ZC3H12B: variants seen among roughly 807,000 people sequenced by gnomAD.
ZC3H12B encodes probable ribonuclease ZC3H12B.
ZC3H12B carries 7 observed loss-of-function variants against 43.9 expected under a neutral mutation model. The ratio of observed to expected loss-of-function variants is 0.16; its 90% CI spans 0.09 to 0.30. The LOEUF (loss-of-function observed/expected upper bound fraction) is 0.30. Ranked by LOEUF, ZC3H12B falls within the 10% of genes least tolerant of loss-of-function variation. The pLI is 1.00. For missense variants in ZC3H12B, 475 were observed against 670.2 expected (o/e 0.71, Z 3.22); for synonymous variants, 222 against 241.7 (o/e 0.92, Z 0.76).
At chrX:65,205,266 G>C in the ZC3H12B span, among the ~76,000 whole-genome samples, 1 of 110,970 alleles carries the variant, frequency 9.0e-6, no homozygotes, top group African/African-American at 3.3e-5. Context: ...ACTTGTCATT[G>C]TCATTAAACC....
At chrX:65,244,482 C>G in the ZC3H12B span, among the ~76,000 whole-genome samples, 1 of 109,449 alleles carries the variant, frequency 9.1e-6, no homozygotes, top group African/African-American at 3.3e-5. Flanking sequence ...TGGTGGCTCA[C>G]AACTGTAATC....
chrX:65,371,214 C>T (rs945126561), intron 2 of ZC3H12B, among the ~76,000 whole-genome samples: 1 of 111,987 alleles, frequency 8.9e-6, no homozygotes, highest in Non-Finnish European at 1.9e-5. Context: ...ACATTAATAG[C>T]TTTATCGGAG....
chrX:65,105,248 T>C, the ZC3H12B span, among the ~76,000 whole-genome samples: 3 of 106,288 alleles, frequency 2.8e-5, no homozygotes, highest in Non-Finnish European at 3.9e-5. Flanking sequence ...CATCAGGGCC[T>C]GTCGGGGGGT....
At chrX:65,489,136 T>A in exon 1 of ZC3H12B, 1 of 1,211,549 alleles carries the variant, frequency 8.3e-7, no homozygotes, top group South Asian at 1.8e-5. Context: ...CAAGCTAAGA[T>A]GGAGTTTGCG....
At chrX:65,440,563 CG>C (rs1238490391) in intron 3 of ZC3H12B, among the ~76,000 whole-genome samples, 1 of 112,319 alleles carries the variant, frequency 8.9e-6, no homozygotes, top group Non-Finnish European at 1.9e-5. Context: ...ACAATAAAAA[CG>C]CTTAGCAGGC....
intron 3 of ZC3H12B, among the ~76,000 whole-genome samples, chrX:65,477,523 G>C (rs1328412555): frequency 9.0e-6 from 1 of 111,691 alleles, no homozygotes; most frequent in Non-Finnish European, 1.9e-5. Context: ...AATAGGCCGG[G>C]CACGGTGGCT....
At chrX:65,212,595 A>C in the ZC3H12B span, among the ~76,000 whole-genome samples, 93 of 82,935 alleles carry the variant, frequency 1.1e-3, no homozygotes, top group Non-Finnish European at 1.7e-3. Flanking sequence ...TATTATATAT[A>C]ATATATAATT....
the ZC3H12B span, among the ~76,000 whole-genome samples, chrX:65,070,823 T>A: frequency 9.5e-6 from 1 of 105,056 alleles, no homozygotes; most frequent in Non-Finnish European, 2.0e-5. Context: ...TCTGTTTTTT[T>A]TTTTTTTTTT....
At chrX:65,346,487 A>C in the ZC3H12B span, among the ~76,000 whole-genome samples, 1 of 111,807 alleles carries the variant, frequency 8.9e-6, no homozygotes, top group Admixed American at 9.5e-5. Context: ...AAGATGATTC[A>C]AAGATTTAAA....
chrX:65,496,326 C>T (rs2068280965), intron 1 of ZC3H12B, among the ~76,000 whole-genome samples: 1 of 111,543 alleles, frequency 9.0e-6, no homozygotes, highest in Non-Finnish European at 1.9e-5. Context: ...TTTTTGCTGT[C>T]GATGTTATTT....
At chrX:65,357,960 A>G in the ZC3H12B span, among the ~76,000 whole-genome samples, 3 of 110,490 alleles carry the variant, frequency 2.7e-5, no homozygotes, top group African/African-American at 9.9e-5. Context: ...CTCATGTGCA[A>G]AGACACACAT....
chrX:65,468,592 T>C (rs2067858268), intron 3 of ZC3H12B, among the ~76,000 whole-genome samples: 2 of 103,925 alleles, frequency 1.9e-5, no homozygotes, highest in Admixed American at 2.1e-4. Flanking sequence ...CACGCCATTC[T>C]CCTGCCTCAG....
chrX:65,357,732 A>G, the ZC3H12B span, among the ~76,000 whole-genome samples: 35 of 112,220 alleles, frequency 3.1e-4, 2 homozygotes, highest in Non-Finnish European at 4.7e-4. Flanking sequence ...CAGTCACTGC[A>G]AAAACACATC....
chrX:65,202,400 G>A, the ZC3H12B span, among the ~76,000 whole-genome samples: 1 of 107,441 alleles, frequency 9.3e-6, no homozygotes, highest in Non-Finnish European at 1.9e-5. Flanking sequence ...GAATTCAAAG[G>A]CACTTGGTTG....
At chrX:65,120,163 G>A in the ZC3H12B span, among the ~76,000 whole-genome samples, 1 of 111,875 alleles carries the variant, frequency 8.9e-6, no homozygotes. Context: ...CTTTAAATTA[G>A]TTTTTTCCAA....
intron 2 of ZC3H12B, among the ~76,000 whole-genome samples, chrX:65,497,854 G>C (rs955140459): frequency 9.0e-6 from 1 of 111,685 alleles, no homozygotes; most frequent in Non-Finnish European, 1.9e-5. Context: ...ATCTAGCTGG[G>C]TTATCCTTGG....
chrX:65,245,072 C>T, the ZC3H12B span, among the ~76,000 whole-genome samples: 1 of 111,144 alleles, frequency 9.0e-6, no homozygotes, highest in Non-Finnish European at 1.9e-5. Flanking sequence ...AATACTGACC[C>T]TCCCTCAAAA....
chrX:65,284,181 G>A, the ZC3H12B span, among the ~76,000 whole-genome samples: 1 of 101,948 alleles, frequency 9.8e-6, no homozygotes, highest in South Asian at 4.4e-4. Flanking sequence ...CTCTATGAAA[G>A]TAAATTCAAA....
At chrX:65,277,868 G>A in the ZC3H12B span, among the ~76,000 whole-genome samples, 1 of 110,813 alleles carries the variant, frequency 9.0e-6, no homozygotes, top group Non-Finnish European at 1.9e-5. Context: ...ACAGATTACA[G>A]CAGAAATAAA....
Sources: gnomAD v4.1 joint callset for allele counts (sites outside exome capture counted in the v4.1 genomes callset) on GRCh38, gnomAD v4.1.1 for gene constraint, MANE v1.5 for transcripts, NCBI Gene and HGNC (gene_info 2026-07-23, HGNC 2026-07-21) for gene names.